STARD13: variants seen among roughly 807,000 people sequenced by gnomAD.
STARD13 encodes StAR related lipid transfer domain containing 13, also known as stAR-related lipid transfer protein 13.
A neutral mutation model predicts 106.4 loss-of-function variants in STARD13; 62 were observed. The observed-to-expected ratio is 0.58, with a 90% CI of 0.48 to 0.72. The LOEUF (loss-of-function observed/expected upper bound fraction) is 0.72, where lower values mean the gene tolerates loss of function less well. Among genes scored for constraint, STARD13 ranks in the 30% least tolerant of loss-of-function variants. The pLI, the probability that STARD13 is intolerant of heterozygous loss-of-function variation, is 0.00. For synonymous variants in STARD13, 565 were observed against 553.0 expected, an observed-to-expected ratio of 1.02 and a Z score of -0.31; for missense variants, 1,387 against 1,424.0, an observed-to-expected ratio of 0.97 and a Z score of 0.42.
the STARD13 span, chr13:33,611,248 G>A: frequency 6.6e-6 from 1 of 152,194 alleles, no homozygotes; most frequent in East Asian, 1.9e-4. Flanking sequence ...GCGCTCCACT[G>A]TGCTGGGCCT....
At chr13:33,501,023 TA>T in the STARD13 span, among the ~76,000 whole-genome samples, 1 of 143,020 alleles carries the variant, frequency 7.0e-6, no homozygotes, top group Admixed American at 6.9e-5. Context: ...AAAAAAAACC[TA>T]AAAAAATAAC....
the STARD13 span, among the ~76,000 whole-genome samples, chr13:33,548,758 A>G: frequency 1.3e-4 from 20 of 152,182 alleles, no homozygotes; most frequent in Non-Finnish European, 2.8e-4. Flanking sequence ...AAACACTGAG[A>G]GTATTTACTG....
rs567643726 is a variant in STARD13 at position 33,318,148 on chromosome 13, C to T, written c.124+32142G>A. ...ATATTTTACACCTTAAATTATGCTACCAAAAAGTAGTATCACCCTCAGTTT... is the reference window on the plus strand; with the variant it reads ...ATATTTTACACCTTAAATTATGCTATCAAAAAGTAGTATCACCCTCAGTTT... On this transcript the variant is annotated intron_variant, in intron 1 of 5. Transcript: ENST00000567873. 2.6e-5 allele frequency among the ~76,000 whole-genome samples: 4 copies of T among 152,080 alleles called. No homozygotes were observed. The East Asian group carries it at 7.7e-4, about 29-fold the overall frequency.
intron 1 of STARD13, among the ~76,000 whole-genome samples, chr13:33,308,974 A>G (rs1046915024): frequency 6.6e-6 from 1 of 152,232 alleles, no homozygotes; most frequent in Admixed American, 6.5e-5. Context: ...CAAGAGCCCC[A>G]GTGAACCTGA....
At chr13:33,441,950 A>T in the STARD13 span, among the ~76,000 whole-genome samples, 2 of 152,362 alleles carry the variant, frequency 1.3e-5, no homozygotes, top group South Asian at 4.1e-4. Flanking sequence ...AAATGGTGCA[A>T]CTTCAGACAT....
rs116969315 is a variant in STARD13 at position 33,186,595 on chromosome 13, C to T, written c.170-18973G>A. Among the ~76,000 whole-genome samples the T allele has an allele frequency of 1.1e-4, 16 of 152,192 alleles. No homozygotes were observed. The East Asian group carries it at 1.9e-3, about 18-fold the overall frequency. On this transcript the variant is annotated intron_variant, in intron 1 of 13. Transcript: ENST00000336934. Reference sequence around the variant, plus strand: ...ATTGTATAATGCAGGTACTAAGGTTCGTGATCTCTTTTAAGCTTTATGGTA... The same window carrying T: ...ATTGTATAATGCAGGTACTAAGGTTTGTGATCTCTTTTAAGCTTTATGGTA...
At position 33,129,102 on chromosome 13, in the gene STARD13, G is replaced by T. The variant is rs762720767; in HGVS notation, c.1575C>A (p.Thr525=). 2 of 1,614,172 alleles carry T rather than the reference G, an allele frequency of 1.2e-6. No homozygotes were observed. The highest frequency in any genetic ancestry group is 1.7e-6 in the Non-Finnish European group (2 of 1,180,026). The change falls in exon 5 of 14, where the codon ACC becomes ACA. Residue 525 remains threonine (T), a synonymous_variant. Coordinates refer to ENST00000336934, the MANE Select transcript of STARD13 (RefSeq NM_178006.4). ...AGGTGATCTGATTAGGAGATGGAAA[G>T]GTGGATAAGCCAGGTTCCCCAACCA... ...DTLVGEPGLS[T]FPSPNQITLD... is the part of the protein sequence containing the mutation.
the STARD13 span, among the ~76,000 whole-genome samples, chr13:33,421,873 A>C: frequency 2.0e-5 from 3 of 152,350 alleles, no homozygotes; most frequent in African/African-American, 7.2e-5. Flanking sequence ...GATGCAGAAA[A>C]GGCCTTCGAC....
chr13:33,349,846 T>A (rs1447436986), intron 1 of STARD13, among the ~76,000 whole-genome samples: 1 of 152,078 alleles, frequency 6.6e-6, no homozygotes, highest in Admixed American at 6.6e-5. Context: ...GCATTCACTC[T>A]CCCTCCCGCG....
intron 7 of STARD13, among the ~76,000 whole-genome samples, chr13:33,124,956 T>C (rs994836033): frequency 1.3e-5 from 2 of 152,266 alleles, no homozygotes; most frequent in African/African-American, 4.8e-5. Flanking sequence ...CATACAAATA[T>C]GGAAAAATGT....
chr13:33,358,459 C>T, the STARD13 span, among the ~76,000 whole-genome samples: 4 of 152,216 alleles, frequency 2.6e-5, no homozygotes, highest in Admixed American at 6.5e-5. Flanking sequence ...CTGGTGGGGA[C>T]GTGGAGAGTC....
intron 1 of STARD13, chr13:33,280,692 G>C (rs1891731660): frequency 1.3e-5 from 2 of 152,122 alleles, no homozygotes; most frequent in South Asian, 4.2e-4. Context: ...GCATGACACA[G>C]GTTTCAAGGA....
At chr13:33,570,777 C>G in the STARD13 span, among the ~76,000 whole-genome samples, 1 of 152,252 alleles carries the variant, frequency 6.6e-6, no homozygotes, top group East Asian at 1.9e-4. Flanking sequence ...CCAGACTGAT[C>G]AAATGAAGCG....
the STARD13 span, among the ~76,000 whole-genome samples, chr13:33,561,112 A>C: frequency 2.0e-5 from 3 of 151,540 alleles, no homozygotes; most frequent in African/African-American, 7.3e-5. Flanking sequence ...TTTGTATAAA[A>C]ATTCATAAGC....
chr13:33,144,744 A>T (rs1342554429), intron 3 of STARD13, among the ~76,000 whole-genome samples: 1 of 152,186 alleles, frequency 6.6e-6, no homozygotes, highest in African/African-American at 2.4e-5. Context: ...AATGGTGGAT[A>T]TTGCACATTT....
the STARD13 span, among the ~76,000 whole-genome samples, chr13:33,616,451 CTGAA>C: frequency 6.6e-6 from 1 of 152,210 alleles, no homozygotes; most frequent in Admixed American, 6.5e-5. Context: ...TTTCCATTCT[CTGAA>C]TGGGAATCTC....
intron 1 of STARD13, among the ~76,000 whole-genome samples, chr13:33,324,803 T>A (rs1893680251): frequency 6.6e-6 from 1 of 152,218 alleles, no homozygotes; most frequent in South Asian, 2.1e-4. Context: ...ATGTGTTTTC[T>A]GAGTACATGG....
intron 1 of STARD13, among the ~76,000 whole-genome samples, chr13:33,320,427 T>C (rs1893513545): frequency 6.6e-6 from 1 of 151,914 alleles, no homozygotes; most frequent in African/African-American, 2.4e-5. Flanking sequence ...CATAAGAAAA[T>C]GGTTTGGAAA....
At chr13:33,349,179 C>T (rs1488692084) in exon 2 of STARD13, 1 of 702,386 alleles carries the variant, frequency 1.4e-6, no homozygotes, top group Non-Finnish European at 2.6e-6. Context: ...CTTTCTTCTG[C>T]CCCATGTGGT....
Sources: allele counts gnomAD v4.1 joint callset (sites outside exome capture counted in the v4.1 genomes callset), GRCh38; gene constraint gnomAD v4.1.1; transcripts MANE v1.5; gene names NCBI Gene and HGNC (gene_info 2026-07-23, HGNC 2026-07-21).